Variants in SPA17 observed in about 807,000 individuals in gnomAD.
SPA17 encodes the protein sperm autoantigenic protein 17, also known as sperm surface protein Sp17.
In SPA17, 7 loss-of-function variants were observed where a neutral mutation model predicts 13.8. The observed-to-expected ratio is 0.51, with a 90% CI of 0.29 to 0.95. The LOEUF (loss-of-function observed/expected upper bound fraction) is 0.95, where lower values mean the gene tolerates loss of function less well. Among genes scored for constraint, SPA17 ranks in the 40% least tolerant of loss-of-function variants. The pLI, the probability that SPA17 is intolerant of heterozygous loss-of-function variation, is 0.08. For synonymous variants in SPA17, 61 were observed against 59.0 expected, an observed-to-expected ratio of 1.03 and a Z score of -0.16; for missense variants, 170 against 179.3, an observed-to-expected ratio of 0.95 and a Z score of 0.30.
intron 1 of SPA17, 124 bp from the exon 2 acceptor site, chr11:124,675,114 G>A (rs550107232): frequency 3.1e-5 from 29 of 929,730 alleles, no homozygotes; most frequent in African/African-American, 1.8e-4. Flanking sequence ...GGCTTGGGTT[G>A]TGTTAGGGAA....
intron 2 of SPA17, chr11:124,676,172 T>C (rs1429180990): frequency 6.6e-6 from 1 of 152,320 alleles, no homozygotes; most frequent in Admixed American, 6.5e-5. Context: ...AAGCCAGGCA[T>C]GGTGGTGCGC....
chr11:124,678,520 G>C (rs907737525), intron 2 of SPA17, among the ~76,000 whole-genome samples: 1 of 149,914 alleles, frequency 6.7e-6, no homozygotes, highest in African/African-American at 2.5e-5. Context: ...ACATAACTGT[G>C]TGTGTGTGTG....
At chr11:124,686,191 G>GT (rs1491259379) in intron 3 of SPA17, among the ~76,000 whole-genome samples, 1 of 41,650 alleles carries the variant, frequency 2.4e-5, no homozygotes, top group Non-Finnish European at 4.7e-5. Context: ...AATCATGGGT[G>GT]GGGGGGGGGT....
chr11:124,682,556 C>A (rs1300703358), intron 3 of SPA17, among the ~76,000 whole-genome samples: 1 of 151,670 alleles, frequency 6.6e-6, no homozygotes, highest in African/African-American at 2.4e-5. Flanking sequence ...TTTAAAAAAA[C>A]CCTAACATAA....
rs979492871 is a variant in SPA17 at position 124,695,759 on chromosome 11, A to G, written c.*1313A>G. On this transcript the variant is annotated 3_prime_UTR_variant, in exon 5 of 5. Transcript: ENST00000227135. ...ATTACATCTCTCTTGGTTTATAGTC[A>G]CAAAGCCAGTGTTCCCCCAAAGCTT... is the stretch of plus-strand genomic sequence containing the variant. 2 of 152,266 alleles carry G rather than the reference A, an allele frequency of 1.3e-5. No individual in the cohort carries two copies. The highest frequency in any genetic ancestry group is 4.8e-5 in the African/African-American group (2 of 41,456). The allele number at this position is 152,266 out of a possible 1,614,324, so 9.4% of individuals were successfully genotyped here.
rs146542004 is a variant in SPA17, at chr11:124,688,754, A to G, written c.226-2942A>G. On this transcript the variant is annotated intron_variant, in intron 3 of 4. Transcript: ENST00000227135. ...CAATCCTAAAATTCATATGGAACCAAAAAAGAGTCCAAATAGCCAAAGCAA... is the reference window on the plus strand; with the variant it reads ...CAATCCTAAAATTCATATGGAACCAGAAAAGAGTCCAAATAGCCAAAGCAA... 3.6e-3 allele frequency among the ~76,000 whole-genome samples: 551 copies of G among 152,342 alleles called. 4 individuals carry two copies. The highest frequency in any genetic ancestry group is 0.013 in the African/African-American group (530 of 41,574).
chr11:124,687,882 A>G (rs1181287035), intron 3 of SPA17, among the ~76,000 whole-genome samples: 1 of 152,214 alleles, frequency 6.6e-6, no homozygotes. Context: ...GAACAAGACA[A>G]GAATGCCCAT....
intron 3 of SPA17, among the ~76,000 whole-genome samples, chr11:124,682,578 G>A (rs1408974903): frequency 1.3e-5 from 2 of 152,022 alleles, no homozygotes; most frequent in Non-Finnish European, 2.9e-5. Context: ...TTCTGGAATT[G>A]AAGAATTTAT....
At chr11:124,678,881 A>G (rs1245934488) in intron 2 of SPA17, among the ~76,000 whole-genome samples, 1 of 152,164 alleles carries the variant, frequency 6.6e-6, no homozygotes, top group Non-Finnish European at 1.5e-5. Flanking sequence ...TTATATTTTT[A>G]AATGGAAAAG....
rs1172242559 is a variant in SPA17 at position 124,696,703 on chromosome 11, G to GC, written c.*2258dup. 6.6e-6 allele frequency: 1 copy of GC among 152,028 alleles called. No homozygotes were observed. The highest frequency in any genetic ancestry group is 1.5e-5 in the Non-Finnish European group (1 of 68,008). 9.4% of individuals were successfully genotyped at this position (152,028 alleles called of 1,614,324 possible). On this transcript the variant is annotated 3_prime_UTR_variant, in exon 5 of 5. Coordinates refer to ENST00000227135, the MANE Select transcript of SPA17 (RefSeq NM_017425.4). ...ACCACTAAATGCTAAGTGCCCTTAGGCTCAGTCTTTCGACCCCATTTCTAC... is the reference window on the plus strand; with the variant it reads ...ACCACTAAATGCTAAGTGCCCTTAGGCCTCAGTCTTTCGACCCCATTTCTAC...
chr11:124,689,715 T>G (rs768395743), intron 3 of SPA17, among the ~76,000 whole-genome samples: 15 of 151,154 alleles, frequency 9.9e-5, no homozygotes, highest in Admixed American at 2.0e-4. Flanking sequence ...AGGTCAAGGC[T>G]GTAGTGCACT....
At chr11:124,687,299 C>T (rs867860053) in intron 3 of SPA17, among the ~76,000 whole-genome samples, 6 of 151,702 alleles carry the variant, frequency 4.0e-5, no homozygotes, top group African/African-American at 1.2e-4. Context: ...TAAAAATCTC[C>T]CCCACCCCAA....
chr11:124,693,964 A>G (rs898352492), intron 4 of SPA17, among the ~76,000 whole-genome samples: 2 of 152,076 alleles, frequency 1.3e-5, no homozygotes, highest in Non-Finnish European at 2.9e-5. Flanking sequence ...TCTTCTTAAC[A>G]TTTTTACCAT....
intron 3 of SPA17, among the ~76,000 whole-genome samples, chr11:124,687,538 T>C (rs529662106): frequency 2.0e-5 from 3 of 152,080 alleles, no homozygotes; most frequent in Admixed American, 6.5e-5. Flanking sequence ...TGAACATAGA[T>C]TCAAAAATCT....
chr11:124,692,244 A>G (rs1400876583), intron 4 of SPA17, among the ~76,000 whole-genome samples: 1 of 152,206 alleles, frequency 6.6e-6, no homozygotes, highest in Non-Finnish European at 1.5e-5. Context: ...ATAACGCTCT[A>G]CAAAAATGCC....
chr11:124,693,192 C>T (rs747164987), intron 4 of SPA17, among the ~76,000 whole-genome samples: 4 of 151,932 alleles, frequency 2.6e-5, no homozygotes, highest in East Asian at 1.9e-4. Flanking sequence ...GATGTCATCT[C>T]GAAGAATTTT....
chr11:124,684,854 G>T lies in SPA17; in HGVS notation c.225+3395G>T, dbSNP rs556762340. Among the ~76,000 whole-genome samples the T allele has an allele frequency of 2.0e-5, 3 of 152,280 alleles. No individual in the cohort carries two copies. The South Asian group carries it at 6.2e-4, about 32-fold the overall frequency. On this transcript the variant is annotated intron_variant, in intron 3 of 4. Transcript: ENST00000227135. ...TATGCAAAGAAACTGGCAGCATTTT[G>T]CCCCTTCCCTAAAGATCTGTGGAAC...
intron 1 of SPA17, 67 bp downstream of exon 1, chr11:124,674,019 C>G (rs1943421315): frequency 2.6e-6 from 1 of 390,980 alleles, no homozygotes; most frequent in Non-Finnish European, 4.7e-6. Context: ...CTCTCTTATT[C>G]TCTCAGCATC....
chr11:124,690,148 A>G (rs1171144958), intron 3 of SPA17, among the ~76,000 whole-genome samples: 1 of 152,238 alleles, frequency 6.6e-6, no homozygotes, highest in African/African-American at 2.4e-5. Context: ...ATACATCAAA[A>G]GATACATTCA....
Sources: gnomAD v4.1 joint callset for allele counts (sites outside exome capture counted in the v4.1 genomes callset) on GRCh38, gnomAD v4.1.1 for gene constraint, MANE v1.5 for transcripts, NCBI Gene and HGNC (gene_info 2026-07-23, HGNC 2026-07-21) for gene names.